The following KIAA0232 variants were observed in gnomAD, a reference collection of about 807,000 sequenced individuals.
KIAA0232 encodes uncharacterized protein KIAA0232.
In KIAA0232, 27 loss-of-function variants were observed where a neutral mutation model predicts 122.0. The ratio of observed to expected loss-of-function variants is 0.22; its 90% CI spans 0.16 to 0.31. The LOEUF is 0.31. Ranked by LOEUF, KIAA0232 falls within the 10% of genes least tolerant of loss-of-function variation. The pLI, the probability that KIAA0232 is intolerant of heterozygous loss-of-function variation, is 1.00. For synonymous variants in KIAA0232, 613 were observed against 587.6 expected (o/e 1.04, Z -0.63); for missense variants, 1,551 against 1,634.2 (o/e 0.95, Z 0.88).
chr4:6,845,485 C>T (rs1457735722), intron 4 of KIAA0232, among the ~76,000 whole-genome samples: 4 of 152,084 alleles, frequency 2.6e-5, no homozygotes, highest in Non-Finnish European at 4.4e-5. Context: ...TGAGTCACCA[C>T]GCCCAGCCAA....
intron 4 of KIAA0232, among the ~76,000 whole-genome samples, chr4:6,849,058 A>G (rs563314435): frequency 6.6e-6 from 1 of 152,320 alleles, no homozygotes; most frequent in African/African-American, 2.4e-5. Context: ...GGAGTAGTGC[A>G]ACCTGACTTA....
chr4:6,814,333 G>A (rs1054515528), intron 2 of KIAA0232, among the ~76,000 whole-genome samples: 4 of 151,464 alleles, frequency 2.6e-5, no homozygotes, highest in Non-Finnish European at 5.9e-5. Flanking sequence ...GCCCTGATAG[G>A]ACTAGAACTA....
intron 3 of KIAA0232, among the ~76,000 whole-genome samples, chr4:6,828,209 C>T (rs2109053649): frequency 6.6e-6 from 1 of 152,018 alleles, no homozygotes; most frequent in Non-Finnish European, 1.5e-5. Context: ...AGTGAGACTC[C>T]ATCTCTTAAA....
At chr4:6,840,043 TA>T (rs1401755025) in intron 3 of KIAA0232, among the ~76,000 whole-genome samples, 1 of 152,120 alleles carries the variant, frequency 6.6e-6, no homozygotes, top group Non-Finnish European at 1.5e-5. Context: ...TAAATTGGCT[TA>T]CGGGGGAAAA....
intron 1 of KIAA0232, among the ~76,000 whole-genome samples, chr4:6,786,137 C>T (rs1716609561): frequency 6.6e-6 from 1 of 152,114 alleles, no homozygotes; most frequent in African/African-American, 2.4e-5. Context: ...TCATTTTGCC[C>T]CCAACACCTT....
At chr4:6,814,001 G>A (rs1163210361) in intron 2 of KIAA0232, among the ~76,000 whole-genome samples, 1 of 152,102 alleles carries the variant, frequency 6.6e-6, no homozygotes, top group African/African-American at 2.4e-5. Flanking sequence ...CCAGCCTTTA[G>A]GGGATAATTT....
chr4:6,824,504 C>A lies in KIAA0232; in HGVS notation c.51C>A (p.Ser17=). The A allele has an allele frequency of 1.2e-6, 2 of 1,614,198 alleles. No individual in the cohort carries two copies. The highest frequency in any genetic ancestry group is 1.7e-6 in the Non-Finnish European group (2 of 1,180,042). The part of the protein sequence containing the change: ...VVVDGLPSES[S]SSSYPGPVSV... The stretch of plus-strand genomic sequence containing the variant: ...TGGATGGTTTGCCATCTGAAAGCTC[C>A]TCAAGTTCTTATCCAGGCCCTGTGT... Residue 17 remains serine, a synonymous_variant, in exon 3 of 10, where the codon TCC becomes TCA. Coordinates refer to ENST00000307659, the MANE Select transcript of KIAA0232 (RefSeq NM_014743.3).
chr4:6,787,840 T>C (rs888726910), intron 1 of KIAA0232, among the ~76,000 whole-genome samples: 1 of 152,224 alleles, frequency 6.6e-6, no homozygotes, highest in Non-Finnish European at 1.5e-5. Context: ...TTTCCCTCTA[T>C]TCCATCACAC....
rs571163937 is a variant in KIAA0232 at position 6,882,661 on chromosome 4, C to G, written c.*1695C>G. 3.3e-5 allele frequency: 5 copies of G among 152,432 alleles called. No homozygotes were observed. Among genetic ancestry groups the G allele is most frequent in the Non-Finnish European group, 5.9e-5 (4 of 68,018 alleles). 9.4% of individuals were successfully genotyped at this position (152,432 alleles called of 1,614,324 possible). A position where few individuals can be genotyped will look rare whatever the true frequency, so the allele number is the denominator to read the frequency against. On this transcript the variant is annotated 3_prime_UTR_variant, in exon 10 of 10. Coordinates refer to ENST00000307659, the MANE Select transcript of KIAA0232 (RefSeq NM_014743.3). ...GTGTGTGTGTGTGCGCGCGTGCGCG[C>G]GCGCATGTGTAAGGTTTTATGTTGC...
At chr4:6,791,794 A>G (rs1486812797) in intron 1 of KIAA0232, among the ~76,000 whole-genome samples, 2 of 152,160 alleles carry the variant, frequency 1.3e-5, no homozygotes, top group African/African-American at 2.4e-5. Context: ...GTATCTTGGA[A>G]TGCTTTCCAT....
intron 2 of KIAA0232, among the ~76,000 whole-genome samples, chr4:6,806,657 C>T (rs1717626567): frequency 6.8e-6 from 1 of 146,614 alleles, no homozygotes; most frequent in Non-Finnish European, 1.5e-5. Context: ...TGGCATGAAC[C>T]TGGGAGGCGG....
rs143112198 is a variant in KIAA0232, at chr4:6,805,370, T to C, written c.-270+764T>C. Among the ~76,000 whole-genome samples, 702 of 152,326 alleles carry C rather than the reference T, an allele frequency of 4.6e-3. 7 individuals carry two copies. The highest frequency in any genetic ancestry group is 0.016 in the African/African-American group (679 of 41,580). ...TTTAAAATTTTTAACTATTAGGATA[T>C]GAATCAGATAATCCATATAAACTTT... On this transcript the variant is annotated intron_variant, in intron 2 of 9. Coordinates refer to ENST00000307659, the MANE Select transcript of KIAA0232 (RefSeq NM_014743.3).
At chr4:6,876,637 C>A in intron 8 of KIAA0232, 23 bp from the exon 9 acceptor site, 1 of 1,462,334 alleles carries the variant, frequency 6.8e-7, no homozygotes, top group Non-Finnish European at 9.6e-7. Flanking sequence ...CCTCTTTTCC[C>A]TTCTCCATTC....
At chr4:6,854,678 C>T (rs1720479164) in intron 4 of KIAA0232, among the ~76,000 whole-genome samples, 1 of 152,096 alleles carries the variant, frequency 6.6e-6, no homozygotes, top group South Asian at 2.1e-4. Context: ...GTGTTGGATA[C>T]TGGAAGATGG....
At chr4:6,858,861 G>A (rs5004966) in intron 6 of KIAA0232, among the ~76,000 whole-genome samples, 116,317 of 152,000 alleles carry the variant, frequency 0.77, 45,219 homozygotes, top group Non-Finnish European at 0.85. Context: ...AGTAATCCCA[G>A]CACTTTGGGA....
chr4:6,829,132 C>G (rs1254637002), intron 3 of KIAA0232, among the ~76,000 whole-genome samples: 1 of 152,012 alleles, frequency 6.6e-6, no homozygotes, highest in Non-Finnish European at 1.5e-5. Context: ...TGCAAAACAT[C>G]CCTTAATTTG....
At position 6,823,318 on chromosome 4, in the gene KIAA0232, G is replaced by A. The variant is rs1009578673; in HGVS notation, c.-269-867G>A. 1.2e-4 allele frequency among the ~76,000 whole-genome samples: 19 copies of A among 152,178 alleles called. No individual in the cohort carries two copies. The South Asian group carries it at 3.9e-3, about 32-fold the overall frequency. ...CAGTAATGGGATGGCTGGGTCAAAT[G>A]GTATTTCTAGTTCTGGATCCCTGAG... On this transcript the variant is annotated intron_variant, in intron 2 of 9. Transcript: ENST00000307659.
At chr4:6,837,153 CG>C (rs1560183513) in intron 3 of KIAA0232, among the ~76,000 whole-genome samples, 1 of 150,728 alleles carries the variant, frequency 6.6e-6, no homozygotes, top group East Asian at 2.0e-4. Flanking sequence ...ACCTCCCGAA[CG>C]GGCCGGCTGG....
Position 6,883,715 on chromosome 4 carries a change from A to G in KIAA0232, c.*2749A>G, listed in dbSNP as rs1722183611. ...GAAAAAATTAAATCTTTATATGTTAATATGATTGATATTCATTGTGCAAAA... is the reference window on the plus strand; with the variant it reads ...GAAAAAATTAAATCTTTATATGTTAGTATGATTGATATTCATTGTGCAAAA... On this transcript the variant is annotated 3_prime_UTR_variant, in exon 10 of 10. Transcript: ENST00000307659. The G allele has an allele frequency of 6.6e-6, 1 of 152,230 alleles. No homozygotes were observed. The highest frequency in any genetic ancestry group is 1.5e-5 in the Non-Finnish European group (1 of 68,036). 9.4% of individuals were successfully genotyped at this position (152,230 alleles called of 1,614,324 possible). A position where few individuals can be genotyped will look rare whatever the true frequency, so the allele number is the denominator to read the frequency against.
Sources: gnomAD v4.1 joint callset for allele counts (sites outside exome capture counted in the v4.1 genomes callset) on GRCh38, gnomAD v4.1.1 for gene constraint, MANE v1.5 for transcripts, NCBI Gene and HGNC (gene_info 2026-07-23, HGNC 2026-07-21) for gene names.